PTK6: variants seen among roughly 807,000 people sequenced by gnomAD.
PTK6 encodes protein-tyrosine kinase 6.
In PTK6, 47 loss-of-function variants were observed where a neutral mutation model predicts 47.5. The observed-to-expected ratio is 0.99, with a 90% CI of 0.78 to 1.26. PTK6 has a LOEUF of 1.26. Among genes scored for constraint, PTK6 ranks in the 50% most tolerant of loss-of-function variants. PTK6 has a pLI of 0.00. For synonymous variants in PTK6, 287 were observed against 276.5 expected, an observed-to-expected ratio of 1.04 and a Z score of -0.38; for missense variants, 618 against 625.3, an observed-to-expected ratio of 0.99 and a Z score of 0.12.
chr20:63,533,685 G>T lies in PTK6; in HGVS notation c.536C>A (p.Pro179His). The T allele has an allele frequency of 6.2e-7, 1 of 1,613,314 alleles. No homozygotes were observed. The highest frequency in any genetic ancestry group is 8.5e-7 in the Non-Finnish European group (1 of 1,179,710). The change falls in exon 4 of 8, where the codon CCC becomes CAC. Residue 179 changes from proline to histidine, a missense_variant. By Grantham distance (77) the Pro-to-His change is moderately conservative (BLOSUM62 -2). Transcript: ENST00000542869. This position sits in a 1 kb window ranked among gnomAD's most constrained non-coding sequence, Gnocchi z 4.0. ...CGGCCTCTCCCAGTCATCCCAATGG[G>T]GCAGGGGCTCAGGCTCGTGCTGGAG... ...PCRKHEPEPL[P>H]HWDDWERPRE...
Position 63,529,775 on chromosome 20 carries a change from C to A in PTK6, c.1169-52G>T. ...TGGGGCCCACCTGCCTACCCTCCCC[C>A]AAGAAGCCACACCAGCCATCCACTG... is the stretch of plus-strand genomic sequence containing the variant. On this transcript the variant is annotated intron_variant, in intron 7 of 7. Transcript: ENST00000542869. This position sits in a 1 kb window ranked among gnomAD's most constrained non-coding sequence, Gnocchi z 5.6. 1 of 1,474,076 alleles carries A rather than the reference C, an allele frequency of 6.8e-7. No individual in the cohort carries two copies. Among genetic ancestry groups the A allele is most frequent in the South Asian group, 1.3e-5 (1 of 77,458 alleles). The allele number at this position is 1,474,076 out of a possible 1,614,324, so 91.3% of individuals were successfully genotyped here. A position where few individuals can be genotyped will look rare whatever the true frequency, so the allele number is the denominator to read the frequency against.
At chr20:63,532,430 C>CGT (rs759092116) in intron 5 of PTK6, 96 bp downstream of exon 5, 567 of 1,281,380 alleles carry the variant, frequency 4.4e-4, no homozygotes, top group Middle Eastern at 8.6e-4. Flanking sequence ...TGTGTGTCTA[C>CGT]GTGTGTGTGT....
chr20:63,532,772 G>A, intron 4 of PTK6, 85 bp from the exon 5 acceptor site: 1 of 1,510,736 alleles, frequency 6.6e-7, no homozygotes, highest in Non-Finnish European at 8.9e-7. Context: ...CCCACACACA[G>A]CAGCCATCAC....
Position 63,532,567 on chromosome 20 carries a change from G to C in PTK6, c.791C>G (p.Thr264Arg), listed in dbSNP as rs149543998. Residue 264 changes from threonine (T) to arginine (R), a missense_variant, in exon 5 of 8, where the codon ACG becomes AGG. Physicochemically the swap from Thr to Arg is moderately conservative, Grantham distance 71. Transcript: ENST00000542869. ...VSVGDPVYII[T>R]ELMAKGSLLE... Reference sequence around the variant, plus strand: ...CAGGCTGCCCTTGGCCATGAGCTCCGTGATGATGTACACGGGGTCCCCCAC... The same window carrying C: ...CAGGCTGCCCTTGGCCATGAGCTCCCTGATGATGTACACGGGGTCCCCCAC... 7 of 1,613,892 alleles carry C rather than the reference G, an allele frequency of 4.3e-6. No homozygotes were observed. The highest frequency in any genetic ancestry group is 5.1e-6 in the Non-Finnish European group (6 of 1,179,898).
chr20:63,529,938 G>T lies in PTK6; in HGVS notation c.1168+140C>A. The T allele has an allele frequency of 8.4e-7, 1 of 1,183,650 alleles. No individual in the cohort carries two copies. Among genetic ancestry groups the T allele is most frequent in the Non-Finnish European group, 1.2e-6 (1 of 855,208 alleles). The allele number at this position is 1,183,650 out of a possible 1,614,324, so 73.3% of individuals were successfully genotyped here. On this transcript the variant is annotated intron_variant, in intron 7 of 7. Transcript: ENST00000542869. This position sits in a 1 kb window ranked among gnomAD's most constrained non-coding sequence, Gnocchi z 5.6. The stretch of plus-strand genomic sequence containing the variant: ...CACCAGCCTGGGTGCTCAGAGAATG[G>T]TGCAGGTGTGGAGTTCAGGCGATGG...
chr20:63,529,674 C>T lies in PTK6; in HGVS notation c.1218G>A (p.Met406Ile). 2 of 1,546,618 alleles carry T rather than the reference C, an allele frequency of 1.3e-6. No homozygotes were observed. The highest frequency in any genetic ancestry group is 1.7e-6 in the Non-Finnish European group (2 of 1,145,796). The change falls in exon 8 of 8, where the codon ATG (methionine) becomes ATA (isoleucine). Residue 406 changes from methionine (M) to isoleucine (I), a missense_variant. Physicochemically the swap from Met to Ile is conservative, Grantham distance 10 (BLOSUM62 1). Transcript: ENST00000542869. This position sits in a 1 kb window ranked among gnomAD's most constrained non-coding sequence, Gnocchi z 5.6. Reference protein sequence around the residue: ...AFLRVDAGYRMPCPLECPPSV... With the variant: ...AFLRVDAGYRIPCPLECPPSV... ...TGGGCGGGCACTCCAGAGGGCAGGG[C>T]ATGCGGTAGCCGGCGTCCACCCTCA...
chr20:63,534,902 C>G lies in PTK6; in HGVS notation c.352+36G>C, dbSNP rs760579268. ...GGGAGGGCTTAGAGCCAGGAGCCCCCGCAGGCAAGCACAGGCTCGGAGGCC... is the reference window on the plus strand; with the variant it reads ...GGGAGGGCTTAGAGCCAGGAGCCCCGGCAGGCAAGCACAGGCTCGGAGGCC... On this transcript the variant is annotated intron_variant, in intron 2 of 7. Coordinates refer to ENST00000542869, the MANE Select transcript of PTK6 (RefSeq NM_005975.4). 25 of 1,567,178 alleles carry G rather than the reference C, an allele frequency of 1.6e-5. 1 individual carries two copies. The highest frequency in any genetic ancestry group is 5.4e-5 in the African/African-American group (4 of 74,074).
Position 63,535,027 on chromosome 20 carries a change from G to A in PTK6, c.263C>T (p.Ala88Val), listed in dbSNP as rs202221029. 77 of 1,607,780 alleles carry A rather than the reference G, an allele frequency of 4.8e-5. No homozygotes were observed. The East Asian group carries it at 1.5e-3, about 32-fold the overall frequency. ...WFFGCISRSE[A>V]VRRLQAEGNA... ...GCCCTCGGCCTGCAGCCGACGCACAGCTTCCGAGCGGGAGATGCAGCCAAA... is the reference window on the plus strand; with the variant it reads ...GCCCTCGGCCTGCAGCCGACGCACAACTTCCGAGCGGGAGATGCAGCCAAA... Residue 88 changes from alanine to valine, a missense_variant, in exon 2 of 8, where the codon GCT becomes GTT. Ala to Val is a moderately conservative substitution (Grantham distance 64, BLOSUM62 0). Transcript: ENST00000542869.
rs1416411761 is a variant in PTK6, at chr20:63,530,039, C to G, written c.1168+39G>C. On this transcript the variant is annotated intron_variant, in intron 7 of 7. Coordinates refer to ENST00000542869, the MANE Select transcript of PTK6 (RefSeq NM_005975.4). This position sits in a 1 kb window ranked among gnomAD's most constrained non-coding sequence, Gnocchi z 4.1. ...CCGGCTACCCAGGACCTCCCCCACT[C>G]TGCCTCTCATGCCCAGTCAGGGACA... 2.5e-6 allele frequency: 4 copies of G among 1,609,262 alleles called. No homozygotes were observed. In the East Asian group the frequency reaches 8.9e-5, roughly 36 times the overall value.
rs759002610 is a variant in PTK6 at position 63,537,318 on chromosome 20, G to A, written c.-4C>T. On this transcript the variant is annotated 5_prime_UTR_variant, in exon 1 of 8. Coordinates refer to ENST00000542869, the MANE Select transcript of PTK6 (RefSeq NM_005975.4). The stretch of plus-strand genomic sequence containing the variant: ...GAGCCTGGTCCCGGGACACCATGGC[G>A]GGCGGGCGCAGCGGCAGGACCAGGC... 2.3e-5 allele frequency: 37 copies of A among 1,604,632 alleles called. No homozygotes were observed. Among genetic ancestry groups the A allele is most frequent in the Middle Eastern group, 1.7e-4 (1 of 5,778 alleles).
In PTK6 at chr20:63,530,866, C is replaced by T; in HGVS notation, c.894G>A (p.Glu298=). 6.2e-7 allele frequency: 1 copy of T among 1,613,900 alleles called. No individual in the cohort carries two copies. The highest frequency in any genetic ancestry group is 8.5e-7 in the Non-Finnish European group (1 of 1,179,956). Residue 298 remains glutamate (E), a synonymous_variant, in exon 6 of 8, where the codon GAG becomes GAA. Coordinates refer to ENST00000542869, the MANE Select transcript of PTK6 (RefSeq NM_005975.4). This position sits in a 1 kb window ranked among gnomAD's most constrained non-coding sequence, Gnocchi z 4.1. Reference sequence around the variant, plus strand: ...TCTGCGACTCCAGGTAACACATGCCCTCAGCCACCTGCCAGGCGATGTCCA... The same window carrying T: ...TCTGCGACTCCAGGTAACACATGCCTTCAGCCACCTGCCAGGCGATGTCCA... ...ELLDIAWQVA[E]GMCYLESQNY...
chr20:63,534,618 C>T (rs983321234), intron 2 of PTK6, among the ~76,000 whole-genome samples: 8 of 152,284 alleles, frequency 5.3e-5, no homozygotes, highest in Admixed American at 3.9e-4. Flanking sequence ...TTCTCTGCGC[C>T]CCGCACACCC....
chr20:63,532,391 CTGTG>C (rs10679712), intron 5 of PTK6, 131 bp downstream of exon 5: 21 of 1,109,790 alleles, frequency 1.9e-5, no homozygotes, highest in Admixed American at 5.0e-5. Context: ...GTGTCTGTGT[CTGTG>C]TGTGCATGTG....
In PTK6 at chr20:63,530,927, TC is replaced by T; in HGVS notation, c.833-1del. The T allele has an allele frequency of 6.2e-7, 1 of 1,604,698 alleles. No individual in the cohort carries two copies. Among genetic ancestry groups the T allele is most frequent in the Non-Finnish European group, 8.5e-7 (1 of 1,175,588 alleles). ...AACGGGCAGGACTTTCTCATCAGAG[TC>T]TGCAGAGGGGAGTGGAGCAGAGCCT... On this transcript the variant is annotated splice_acceptor_variant, in intron 5 of 7. Coordinates refer to ENST00000542869, the MANE Select transcript of PTK6 (RefSeq NM_005975.4). LOFTEE classifies it high-confidence loss of function. This position sits in a 1 kb window ranked among gnomAD's most constrained non-coding sequence, Gnocchi z 4.1.
At chr20:63,531,149 T>C (rs1368369800) in intron 5 of PTK6, among the ~76,000 whole-genome samples, 1 of 152,034 alleles carries the variant, frequency 6.6e-6, no homozygotes, top group Non-Finnish European at 1.5e-5. Flanking sequence ...AAGCTGGGCG[T>C]GGTGGCTCAC....
chr20:63,533,823 G>C lies in PTK6; in HGVS notation c.517-119C>G. 1 of 1,401,052 alleles carries C rather than the reference G, an allele frequency of 7.1e-7. No homozygotes were observed. The highest frequency in any genetic ancestry group is 1.4e-5 in the South Asian group (1 of 71,652). The allele number at this position is 1,401,052 out of a possible 1,614,324, so 86.8% of individuals were successfully genotyped here. ...TTAGGGCCACGATCAGCCTGGGTTG[G>C]GGGTTTCTGAGTGTCTGACACAAGG... On this transcript the variant is annotated intron_variant, in intron 3 of 7. Coordinates refer to ENST00000542869, the MANE Select transcript of PTK6 (RefSeq NM_005975.4). The surrounding 1 kb of genome is among the most constrained non-coding windows in gnomAD (Gnocchi z 4.0).
intron 1 of PTK6, among the ~76,000 whole-genome samples, chr20:63,535,672 C>T (rs1032155496): frequency 2.0e-5 from 3 of 151,834 alleles, no homozygotes; most frequent in African/African-American, 7.3e-5. Flanking sequence ...CAGAAGACCA[C>T]GGCCCAGCAT....
intron 1 of PTK6, among the ~76,000 whole-genome samples, chr20:63,536,609 A>C (rs2082670158): frequency 6.6e-6 from 1 of 151,926 alleles, no homozygotes; most frequent in Non-Finnish European, 1.5e-5. Flanking sequence ...AGCAGGCAGG[A>C]AGTTTGCCCG....
rs564367198 is a variant in PTK6 at position 63,531,212 on chromosome 20, G to C, written c.833-285C>G. 1.8e-4 allele frequency among the ~76,000 whole-genome samples: 27 copies of C among 151,750 alleles called. No homozygotes were observed. The East Asian group carries it at 5.3e-3, about 30-fold the overall frequency. On this transcript the variant is annotated intron_variant, in intron 5 of 7. Transcript: ENST00000542869. ...TGAGGCGGATGGATCACGAGGTCAG[G>C]AGATCGAGACCATCCTGGCTAACAC...
Sources: allele counts gnomAD v4.1 joint callset (sites outside exome capture counted in the v4.1 genomes callset), GRCh38; gene constraint gnomAD v4.1.1; non-coding constraint Gnocchi (gnomAD v3.1); transcripts MANE v1.5; gene names NCBI Gene and HGNC (gene_info 2026-07-23, HGNC 2026-07-21).